KLHL5: variants seen among roughly 807,000 people sequenced by gnomAD.
The protein encoded by KLHL5 is kelch like family member 5.
Under a neutral mutation model 77.7 loss-of-function variants are expected in KLHL5, and 48 were observed. The ratio of observed to expected loss-of-function variants is 0.62; its 90% CI spans 0.49 to 0.79. The LOEUF is 0.79. Ranked by LOEUF, KLHL5 falls within the 30% of genes least tolerant of loss-of-function variation. The probability of loss-of-function intolerance (pLI) is 0.00; values close to 1 mark genes in which losing one functional copy is unlikely to be tolerated. For synonymous variants in KLHL5, 260 were observed against 297.0 expected (o/e 0.88, Z 1.28); for missense variants, 723 against 859.7 (o/e 0.84, Z 1.99).
At position 39,062,480 on chromosome 4, in the gene KLHL5, G is replaced by T. The variant is rs1717503812; in HGVS notation, c.-173G>T. On this transcript the variant is annotated 5_prime_UTR_variant, in exon 1 of 11. Coordinates refer to ENST00000504108, the MANE Select transcript of KLHL5 (RefSeq NM_015990.5). ...CATTATCCTTTGTTCTTTAAAATCT[G>T]ATATATTGGCATAAAAGTAATTGTA... is the stretch of plus-strand genomic sequence containing the variant. The T allele has an allele frequency of 1.3e-6, 2 of 1,580,494 alleles. No individual in the cohort carries two copies. Among genetic ancestry groups the T allele is most frequent in the Non-Finnish European group, 8.6e-7 (1 of 1,163,308 alleles).
At chr4:39,130,339 C>G (rs538087257), downstream of KLHL5, among the ~76,000 whole-genome samples, 1 of 152,166 alleles carries the variant, frequency 6.6e-6, no homozygotes, top group African/African-American at 2.4e-5. Flanking sequence ...AGGCACAGAT[C>G]GCTCATGCTA....
At chr4:39,094,309 A>G (rs1720861190) in intron 5 of KLHL5, among the ~76,000 whole-genome samples, 5 of 151,930 alleles carry the variant, frequency 3.3e-5, no homozygotes, top group Admixed American at 3.3e-4. Flanking sequence ...AATAAAATAT[A>G]TAGGAAATAT....
At chr4:39,075,708 C>T (rs1232414449) in intron 1 of KLHL5, among the ~76,000 whole-genome samples, 1 of 151,984 alleles carries the variant, frequency 6.6e-6, no homozygotes, top group Non-Finnish European at 1.5e-5. Context: ...GAGAAAAGAC[C>T]TCACAAAAAG....
chr4:39,099,945 C>T (rs1721400512), intron 6 of KLHL5, among the ~76,000 whole-genome samples: 1 of 152,154 alleles, frequency 6.6e-6, no homozygotes, highest in Non-Finnish European at 1.5e-5. Context: ...CTGGTGCTAG[C>T]TTTTGTAGTC....
At chr4:39,106,784 C>T (rs546092748) in intron 7 of KLHL5, among the ~76,000 whole-genome samples, 5 of 151,942 alleles carry the variant, frequency 3.3e-5, no homozygotes, top group South Asian at 4.1e-4. Flanking sequence ...TTAGAGACAG[C>T]GTCTCACTCT....
At chr4:39,060,930 C>T (rs996590082), upstream of KLHL5, among the ~76,000 whole-genome samples, 4 of 152,220 alleles carry the variant, frequency 2.6e-5, no homozygotes, top group Non-Finnish European at 4.4e-5. Flanking sequence ...TCTCTTACTA[C>T]ACCTTAAAAT....
At chr4:39,065,970 C>A (rs943089655) in intron 1 of KLHL5, among the ~76,000 whole-genome samples, 1 of 152,062 alleles carries the variant, frequency 6.6e-6, no homozygotes, top group Non-Finnish European at 1.5e-5. Context: ...TAAGGGACAG[C>A]GTATGTTGGT....
At chr4:39,098,582 G>T (rs1161134435) in intron 6 of KLHL5, among the ~76,000 whole-genome samples, 2 of 149,578 alleles carry the variant, frequency 1.3e-5, no homozygotes, top group African/African-American at 2.5e-5. Flanking sequence ...TTTTTTTTTT[G>T]AGATGGAGTC....
chr4:39,129,260 T>C (rs1323599010), downstream of KLHL5, among the ~76,000 whole-genome samples: 2 of 148,028 alleles, frequency 1.4e-5, no homozygotes, highest in Non-Finnish European at 3.0e-5. This position sits in a 1 kb window ranked among gnomAD's most constrained non-coding sequence, Gnocchi z 4.2. Flanking sequence ...CAGGCTGGAG[T>C]GCAGTGGCAC....
At position 39,123,442 on chromosome 4, in the gene KLHL5, T is replaced by C. The variant is rs1723341315; in HGVS notation, c.*2376T>C. 6.6e-6 allele frequency among the ~76,000 whole-genome samples: 1 copy of C among 152,076 alleles called. No homozygotes were observed. The highest frequency in any genetic ancestry group is 2.1e-4 in the South Asian group (1 of 4,828). The stretch of plus-strand genomic sequence containing the variant: ...TACAGACCAATATCCCTTATGAATA[T>C]AGATGCAAAAAAACTTCAAAATACT... On this transcript the variant is annotated 3_prime_UTR_variant, in exon 11 of 11. Coordinates refer to ENST00000504108, the MANE Select transcript of KLHL5 (RefSeq NM_015990.5).
Position 39,123,736 on chromosome 4 carries a change from A to T in KLHL5, c.*2670A>T, listed in dbSNP as rs927701758. Among the ~76,000 whole-genome samples, 1 of 152,212 alleles carries T rather than the reference A, an allele frequency of 6.6e-6. No individual in the cohort carries two copies. Among genetic ancestry groups the T allele is most frequent in the Non-Finnish European group, 1.5e-5 (1 of 68,024 alleles). ...TTAACCTGATAAAGACATCCATAAA[A>T]ACCCACAGCTAACAACATAATAGCA... is the stretch of plus-strand genomic sequence containing the variant. On this transcript the variant is annotated 3_prime_UTR_variant, in exon 11 of 11. Coordinates refer to ENST00000504108, the MANE Select transcript of KLHL5 (RefSeq NM_015990.5).
At chr4:39,132,811 G>A in the KLHL5 span, among the ~76,000 whole-genome samples, 5 of 152,052 alleles carry the variant, frequency 3.3e-5, no homozygotes, top group African/African-American at 9.7e-5. Flanking sequence ...ATGCTAAAAC[G>A]TGTTCATTTC....
At chr4:39,076,183 T>C in intron 2 of KLHL5, 36 bp downstream of exon 2, 1 of 1,559,654 alleles carries the variant, frequency 6.4e-7, no homozygotes, top group Non-Finnish European at 8.7e-7. Context: ...GTGTGAAATA[T>C]TTCCTCGGTA....
downstream of KLHL5, among the ~76,000 whole-genome samples, chr4:39,130,281 T>C (rs905890403): frequency 1.3e-5 from 2 of 152,140 alleles, no homozygotes; most frequent in African/African-American, 4.8e-5. Context: ...ATGGGCCGAA[T>C]TAAAGGAATA....
intron 1 of KLHL5, among the ~76,000 whole-genome samples, chr4:39,075,079 C>T (rs1718880636): frequency 6.6e-6 from 1 of 152,146 alleles, no homozygotes; most frequent in East Asian, 1.9e-4. Flanking sequence ...CACCTGTAAC[C>T]CTAGCACTTT....
rs115342623 is a variant in KLHL5, at chr4:39,097,920, C to A, written c.1300+1042C>A. On this transcript the variant is annotated intron_variant, in intron 6 of 10. Coordinates refer to ENST00000504108, the MANE Select transcript of KLHL5 (RefSeq NM_015990.5). The stretch of plus-strand genomic sequence containing the variant: ...CCGAGGTGGGTGGATTGCTTAAGGT[C>A]AGGAGTTTAAGACCAGCATGGGCAA... Among the ~76,000 whole-genome samples, 1,510 of 152,056 alleles carry A rather than the reference C, an allele frequency of 9.9e-3. 23 individuals carry two copies. Among genetic ancestry groups the A allele is most frequent in the African/African-American group, 0.034 (1,418 of 41,482 alleles).
Position 39,101,875 on chromosome 4 carries a change from T to TAC in KLHL5, c.1301-1411_1301-1410insCA, listed in dbSNP as rs1425232858. Among the ~76,000 whole-genome samples the TAC allele has an allele frequency of 7.3e-4, 94 of 128,926 alleles. 1 individual carries two copies. Among genetic ancestry groups the TAC allele is most frequent in the Middle Eastern group, 7.6e-3 (2 of 264 alleles). The allele number at this position is 128,926 out of a possible 152,430, so 84.6% of individuals were successfully genotyped here. A position where few individuals can be genotyped will look rare whatever the true frequency, so the allele number is the denominator to read the frequency against. ...AAAAAAAAAAATATATATATATATA[T>TAC]ATACACACACACACACACACATATA... On this transcript the variant is annotated intron_variant, in intron 6 of 10. Coordinates refer to ENST00000504108, the MANE Select transcript of KLHL5 (RefSeq NM_015990.5).
At chr4:39,139,020 G>A in the KLHL5 span, among the ~76,000 whole-genome samples, 1 of 152,058 alleles carries the variant, frequency 6.6e-6, no homozygotes, top group African/African-American at 2.4e-5. Context: ...GGTGGCTCAC[G>A]CCTGTAATCC....
At chr4:39,127,955 T>C (rs548485986), downstream of KLHL5, among the ~76,000 whole-genome samples, 2 of 152,264 alleles carry the variant, frequency 1.3e-5, no homozygotes. Flanking sequence ...TGATTCTGTA[T>C]CAGAAACTCA....
Sources: gnomAD v4.1 joint callset for allele counts (sites outside exome capture counted in the v4.1 genomes callset) on GRCh38, gnomAD v4.1.1 for gene constraint, Gnocchi (gnomAD v3.1) non-coding constraint, MANE v1.5 for transcripts, NCBI Gene and HGNC (gene_info 2026-07-23, HGNC 2026-07-21) for gene names.